The following GALNT9 variants were observed in gnomAD, a reference collection of about 807,000 sequenced individuals.
GALNT9 encodes the protein polypeptide N-acetylgalactosaminyltransferase 9, also known as GalNAc transferase 9.
In GALNT9, 47 loss-of-function variants were observed where a neutral mutation model predicts 63.1. The observed-to-expected ratio is 0.75, with a 90% CI of 0.59 to 0.95. The LOEUF (loss-of-function observed/expected upper bound fraction) is 0.95, where lower values mean the gene tolerates loss of function less well. Ranked by LOEUF, GALNT9 falls within the 40% of genes least tolerant of loss-of-function variation. The pLI is 0.00. For synonymous variants in GALNT9, 396 were observed against 365.7 expected (o/e 1.08, Z -0.94); for missense variants, 829 against 874.8 (o/e 0.95, Z 0.66).
intron 7 of GALNT9, among the ~76,000 whole-genome samples, chr12:132,203,057 C>T (rs751533197): frequency 3.3e-5 from 5 of 152,064 alleles, no homozygotes; most frequent in Admixed American, 6.5e-5. Context: ...GCGCTGAGGA[C>T]GGGAAGCCAC....
At chr12:132,244,075 G>A (rs2135532279) in intron 6 of GALNT9, among the ~76,000 whole-genome samples, 1 of 150,620 alleles carries the variant, frequency 6.6e-6, no homozygotes, top group South Asian at 2.1e-4. Context: ...GACACCGGCA[G>A]AGTGAGGCCT....
intron 2 of GALNT9, among the ~76,000 whole-genome samples, chr12:132,264,455 G>A (rs117920449): frequency 1.5e-3 from 234 of 152,348 alleles, no homozygotes; most frequent in Non-Finnish European, 2.7e-3. Context: ...CGGCTTGGTC[G>A]GGGGTCAAAA....
Position 132,219,858 on chromosome 12 carries a change from G to A in GALNT9, c.1078-16168C>T, listed in dbSNP as rs367588201. ...GGGGCACCTCCCCAGGGTGACACCC[G>A]CCCGGGAAAGGGGAAGGGGTACCTC... On this transcript the variant is annotated intron_variant, in intron 6 of 10. Coordinates refer to ENST00000328957, the MANE Select transcript of GALNT9 (RefSeq NM_001122636.2). Among the ~76,000 whole-genome samples, 35 of 149,954 alleles carry A rather than the reference G, an allele frequency of 2.3e-4. No individual in the cohort carries two copies. In the South Asian group the frequency reaches 3.6e-3, roughly 15 times the overall value.
intron 2 of GALNT9, among the ~76,000 whole-genome samples, chr12:132,271,283 G>A (rs563355402): frequency 6.6e-6 from 1 of 152,186 alleles, no homozygotes; most frequent in African/African-American, 2.4e-5. Flanking sequence ...GCTCGAGGGT[G>A]GGGGGAGGAG....
chr12:132,201,395 A>AGGCCTCATCC, intron 7 of GALNT9, 134 bp from the exon 8 acceptor site: 1 of 609,030 alleles, frequency 1.6e-6, no homozygotes, highest in Non-Finnish European at 2.9e-6. Flanking sequence ...TCAGATGCTG[A>AGGCCTCATCC]GGCCCCATCC....
Position 132,201,156 on chromosome 12 carries a change from T to C in GALNT9, c.1369A>G (p.Arg457Gly). ...TACGTGAGGGTGTTGTTGTAGACCC[T>C]CATCTCCGGGTACACGTTCTCCAGG... ...WYLENVYPEM[R>G]VYNNTLTYGE... Residue 457 changes from arginine (R) to glycine (G), a missense_variant, in exon 8 of 11, where the codon AGG becomes GGG. Transcript: ENST00000328957. The C allele has an allele frequency of 6.2e-7, 1 of 1,613,436 alleles. No homozygotes were observed. Among genetic ancestry groups the C allele is most frequent in the Non-Finnish European group, 8.5e-7 (1 of 1,179,748 alleles).
At chr12:132,221,947 C>T (rs1418606682) in intron 6 of GALNT9, among the ~76,000 whole-genome samples, 1 of 152,126 alleles carries the variant, frequency 6.6e-6, no homozygotes, top group African/African-American at 2.4e-5. Context: ...GTAATGGGGA[C>T]AGGTTTAATC....
chr12:132,274,470 T>C (rs1879996224), intron 2 of GALNT9: 1 of 152,422 alleles, frequency 6.6e-6, no homozygotes, highest in Admixed American at 6.5e-5. Flanking sequence ...GCTTGCTCTT[T>C]GCACCCCTGC....
chr12:132,321,179 C>T (rs944831312), intron 1 of GALNT9, among the ~76,000 whole-genome samples: 5 of 151,926 alleles, frequency 3.3e-5, no homozygotes, highest in Middle Eastern at 3.4e-3. Context: ...CCTGTGGGTC[C>T]GGAGTCGAGG....
In GALNT9 at chr12:132,286,496, G is replaced by A. The variant is rs530684304; in HGVS notation, c.239-66C>T. 638 of 1,452,394 alleles carry A rather than the reference G, an allele frequency of 4.4e-4. 3 individuals are homozygous for A. In the African/African-American group the frequency reaches 7.6e-3, roughly 17 times the overall value. 90.0% of individuals were successfully genotyped at this position (1,452,394 alleles called of 1,614,324 possible). A position where few individuals can be genotyped will look rare whatever the true frequency, so the allele number is the denominator to read the frequency against. ...CACGCTGCGTCTGCACCCAGGAGAC[G>A]CCCCTCCCGCCCCTCTCCCCGACGG... On this transcript the variant is annotated intron_variant, in intron 1 of 10. Coordinates refer to ENST00000328957, the MANE Select transcript of GALNT9 (RefSeq NM_001122636.2). This position sits in a 1 kb window ranked among gnomAD's most constrained non-coding sequence, Gnocchi z 7.4.
rs916133808 is a variant in GALNT9 at position 132,246,130 on chromosome 12, G to A, written c.1077+1780C>T. ...GAGAAGCCGACACCCGCGTGGGTGC[G>A]TTCAATCCACGGCCGACCCGCCAAG... On this transcript the variant is annotated intron_variant, in intron 6 of 10. Coordinates refer to ENST00000328957, the MANE Select transcript of GALNT9 (RefSeq NM_001122636.2). The surrounding 1 kb of genome is among the most constrained non-coding windows in gnomAD (Gnocchi z 4.7). Among the ~76,000 whole-genome samples, 2 of 152,232 alleles carry A rather than the reference G, an allele frequency of 1.3e-5. No individual in the cohort carries two copies. The highest frequency in any genetic ancestry group is 4.8e-5 in the African/African-American group (2 of 41,466).
At position 132,329,379 on chromosome 12, in the gene GALNT9, G is replaced by T. The variant is rs539287340; in HGVS notation, c.-176C>A. The T allele has an allele frequency of 1.7e-3, 1,670 of 981,538 alleles. 4 individuals are homozygous for T. Among genetic ancestry groups the T allele is most frequent in the Admixed American group, 2.3e-3 (54 of 23,568 alleles). 60.8% of individuals were successfully genotyped at this position (981,538 alleles called of 1,614,324 possible). ...AGCGCGCCGGGCCACGGCCGCCGGG[G>T]GTCCCCCAGAGCGCAGAGGGCTGCC... On this transcript the variant is annotated 5_prime_UTR_variant, in exon 1 of 11. Transcript: ENST00000328957.
chr12:132,211,027 G>A (rs1038476369), intron 6 of GALNT9, among the ~76,000 whole-genome samples: 2 of 152,044 alleles, frequency 1.3e-5, no homozygotes, highest in Non-Finnish European at 1.5e-5. Flanking sequence ...GGTGCCTGCC[G>A]CCGGCCTCAG....
Position 132,213,423 on chromosome 12 carries a change from ATCAC to A in GALNT9, c.1078-9737_1078-9734del, listed in dbSNP as rs1018619536. 1.2e-4 allele frequency among the ~76,000 whole-genome samples: 18 copies of A among 152,180 alleles called. No homozygotes were observed. In the East Asian group the frequency reaches 1.3e-3, roughly 11 times the overall value. On this transcript the variant is annotated intron_variant, in intron 6 of 10. Transcript: ENST00000328957. ...CGCAGATGCACACGTGTGCAACATA[ATCAC>A]TCAGTCAAGCATACACATGCACTGT...
In GALNT9 at chr12:132,329,066, C is replaced by A. The variant is rs1555246745; in HGVS notation, c.138G>T (p.Arg46=). The part of the protein sequence containing the change: ...ELVRIVSGDR[R]VRSRHAKVGT... ...CCACCTTGGCGTGTCGGCTGCGCACCCGGCGGTCGCCGCTCACGATGCGCA... is the reference window on the plus strand; with the variant it reads ...CCACCTTGGCGTGTCGGCTGCGCACACGGCGGTCGCCGCTCACGATGCGCA... Residue 46 remains arginine, a synonymous_variant, in exon 1 of 11, where the codon CGG becomes CGT. Coordinates refer to ENST00000328957, the MANE Select transcript of GALNT9 (RefSeq NM_001122636.2). 6.5e-7 allele frequency: 1 copy of A among 1,547,254 alleles called. No individual in the cohort carries two copies. Among genetic ancestry groups the A allele is most frequent in the Non-Finnish European group, 8.7e-7 (1 of 1,146,376 alleles).
chr12:132,204,994 G>A (rs534933408), intron 6 of GALNT9, among the ~76,000 whole-genome samples: 84 of 152,124 alleles, frequency 5.5e-4, no homozygotes, highest in East Asian at 1.4e-3. Flanking sequence ...CGTTCCCTCC[G>A]CGGTGCTGAG....
chr12:132,216,602 G>A (rs1877208127), intron 6 of GALNT9, among the ~76,000 whole-genome samples: 1 of 152,238 alleles, frequency 6.6e-6, no homozygotes. Flanking sequence ...GCTCCTCCCT[G>A]GTCTCCGCTG....
intron 6 of GALNT9, chr12:132,240,740 C>T (rs1229801466): frequency 2.2e-6 from 1 of 455,760 alleles, no homozygotes; most frequent in Non-Finnish European, 4.4e-6. Context: ...TGGGAAGTTA[C>T]CAGAACCTGA....
chr12:132,313,335 A>G (rs1349599042), intron 1 of GALNT9, among the ~76,000 whole-genome samples: 7 of 145,774 alleles, frequency 4.8e-5, no homozygotes, highest in African/African-American at 1.8e-4. Context: ...CCACCCATCC[A>G]CTCACCCATC....
Sources: allele counts gnomAD v4.1 joint callset (sites outside exome capture counted in the v4.1 genomes callset), GRCh38; gene constraint gnomAD v4.1.1; non-coding constraint Gnocchi (gnomAD v3.1); transcripts MANE v1.5; gene names NCBI Gene and HGNC (gene_info 2026-07-23, HGNC 2026-07-21).